Variants in CCSER1 observed in about 807,000 individuals in gnomAD.
The protein encoded by CCSER1 is coiled-coil serine rich protein 1.
Under a neutral mutation model 82.0 loss-of-function variants are expected in CCSER1, and 41 were observed. That is an observed-to-expected ratio of 0.50 (90% confidence interval 0.39 to 0.65). The LOEUF (loss-of-function observed/expected upper bound fraction) is 0.65, where lower values mean the gene tolerates loss of function less well. Ranked by LOEUF, CCSER1 falls within the 30% of genes least tolerant of loss-of-function variation. CCSER1 has a pLI of 0.00. For missense variants in CCSER1, 1,119 were observed against 1,064.2 expected, an observed-to-expected ratio of 1.05 and a Z score of -0.72; for synonymous variants, 414 against 383.9, an observed-to-expected ratio of 1.08 and a Z score of -0.92.
chr4:91,217,014 T>C (rs1019688455), intron 10 of CCSER1, among the ~76,000 whole-genome samples: 1 of 152,150 alleles, frequency 6.6e-6, no homozygotes, highest in Non-Finnish European at 1.5e-5. Context: ...CGGTGAGTGT[T>C]ACAGCTCTTA....
Position 91,239,118 on chromosome 4 carries a change from C to T in CCSER1, c.2217+153124C>T, listed in dbSNP as rs556878177. Among the ~76,000 whole-genome samples the T allele has an allele frequency of 2.3e-4, 34 of 150,444 alleles. No homozygotes were observed. The East Asian group carries it at 6.1e-3, about 27-fold the overall frequency. On this transcript the variant is annotated intron_variant, in intron 10 of 10. Transcript: ENST00000509176. ...GGTATTACAAGCGTGAGCCACTGCG[C>T]CCGGCCTATTTTAAGCATTTGTAAT...
At position 91,565,754 on chromosome 4, in the gene CCSER1, C is replaced by T. The variant is rs572706360; in HGVS notation, c.2218-32818C>T. Among the ~76,000 whole-genome samples the T allele has an allele frequency of 3.9e-5, 6 of 152,204 alleles. No individual in the cohort carries two copies. In the East Asian group the frequency reaches 1.2e-3, roughly 29 times the overall value. ...TGAGGCTGTACATTGATTTTGTATC[C>T]TGCAAATTTGCTGAAGTTGTTTATC... is the stretch of plus-strand genomic sequence containing the variant. On this transcript the variant is annotated intron_variant, in intron 10 of 10. Transcript: ENST00000509176.
At chr4:91,090,296 G>A (rs1190870384) in intron 10 of CCSER1, among the ~76,000 whole-genome samples, 1 of 152,160 alleles carries the variant, frequency 6.6e-6, no homozygotes, top group East Asian at 1.9e-4. Flanking sequence ...CTGATCAGGT[G>A]GCTTAGCATA....
chr4:90,163,838 AAAGTGGGAATG>A (rs1729938057), intron 1 of CCSER1, among the ~76,000 whole-genome samples: 1 of 152,164 alleles, frequency 6.6e-6, no homozygotes, highest in African/African-American at 2.4e-5. Flanking sequence ...TTGTAGTAAT[AAAGTGGGAATG>A]AAGTGGGGTT....
chr4:90,540,783 C>T (rs1397398231), intron 5 of CCSER1, among the ~76,000 whole-genome samples: 2 of 151,934 alleles, frequency 1.3e-5, no homozygotes, highest in African/African-American at 2.4e-5. Context: ...AGGCAAGTTG[C>T]ATAACTAATA....
chr4:91,393,004 T>G (rs1246736466), intron 10 of CCSER1, among the ~76,000 whole-genome samples: 1 of 152,098 alleles, frequency 6.6e-6, no homozygotes, highest in Non-Finnish European at 1.5e-5. Context: ...CAGATATAGC[T>G]GATGCTGGTA....
intron 7 of CCSER1, among the ~76,000 whole-genome samples, chr4:90,813,358 G>T (rs573221740): frequency 3.2e-4 from 49 of 152,356 alleles, no homozygotes; most frequent in Non-Finnish European, 4.0e-4. Context: ...GCAAGGGATG[G>T]ACTCCCATGG....
In CCSER1 at chr4:91,598,969, CTT is replaced by C; in HGVS notation, c.2617_2618del (p.Leu873ThrfsTer18). 5.2e-6 allele frequency: 8 copies of C among 1,551,566 alleles called. No individual in the cohort carries two copies. Among genetic ancestry groups the C allele is most frequent in the Non-Finnish European group, 7.0e-6 (8 of 1,146,914 alleles). On this transcript the variant is annotated frameshift_variant, in exon 11 of 11. Coordinates refer to ENST00000509176, the MANE Select transcript of CCSER1 (RefSeq NM_001145065.2). LOFTEE classifies it high-confidence loss of function. ...GGACAGCCACCCAGAGGGCCAATCTCTTTACACATGTACAGCAGGAAGAATGT... is the reference window on the plus strand; with the variant it reads ...GGACAGCCACCCAGAGGGCCAATCTCTACACATGTACAGCAGGAAGAATGT...
intron 10 of CCSER1, among the ~76,000 whole-genome samples, chr4:91,301,954 TCTTCTTTC>T (rs1409801892): frequency 6.7e-6 from 1 of 150,364 alleles, no homozygotes; most frequent in Non-Finnish European, 1.5e-5. Context: ...TTCCTTCCTT[TCTTCTTTC>T]CTTCTTTCCT....
chr4:90,701,880 C>T (rs1158414357), intron 6 of CCSER1, among the ~76,000 whole-genome samples: 6 of 152,110 alleles, frequency 3.9e-5, no homozygotes, highest in Non-Finnish European at 5.9e-5. Flanking sequence ...TGGGTTGAGA[C>T]GATGGGGTTT....
intron 10 of CCSER1, among the ~76,000 whole-genome samples, chr4:91,359,926 G>T (rs1404609045): frequency 6.6e-6 from 1 of 151,828 alleles, no homozygotes. Context: ...AGTGTGACTT[G>T]CATTATCTCT....
intron 10 of CCSER1, among the ~76,000 whole-genome samples, chr4:91,184,274 C>T (rs192175220): frequency 1.3e-3 from 196 of 152,328 alleles, no homozygotes; most frequent in African/African-American, 4.6e-3. Context: ...TGTGGCAACA[C>T]TTTCCAATGA....
chr4:91,364,208 A>G (rs1273047294), intron 10 of CCSER1, among the ~76,000 whole-genome samples: 1 of 152,214 alleles, frequency 6.6e-6, no homozygotes, highest in Non-Finnish European at 1.5e-5. Flanking sequence ...TTTAAATAGC[A>G]TAGTGCAGTA....
chr4:90,347,992 A>G (rs879449959), intron 3 of CCSER1, among the ~76,000 whole-genome samples: 2 of 152,180 alleles, frequency 1.3e-5, no homozygotes, highest in African/African-American at 4.8e-5. Flanking sequence ...GGAGGACATT[A>G]TCTTTAGCAA....
At chr4:90,201,601 C>T (rs767991036) in intron 1 of CCSER1, among the ~76,000 whole-genome samples, 3 of 151,030 alleles carry the variant, frequency 2.0e-5, no homozygotes, top group Non-Finnish European at 3.0e-5. Context: ...TATACTAAAT[C>T]TTTGAAATCC....
At chr4:91,098,782 C>A (rs1248751945) in intron 10 of CCSER1, among the ~76,000 whole-genome samples, 1 of 152,134 alleles carries the variant, frequency 6.6e-6, no homozygotes, top group Non-Finnish European at 1.5e-5. Context: ...ATGTCGTGAT[C>A]TGCCCGCCTC....
At chr4:90,751,860 T>C (rs997341510) in intron 7 of CCSER1, among the ~76,000 whole-genome samples, 9 of 152,190 alleles carry the variant, frequency 5.9e-5, no homozygotes, top group South Asian at 2.1e-4. Flanking sequence ...TTTTAAAAAT[T>C]AAAAAGTATA....
At chr4:91,548,104 G>A (rs1761978946) in intron 10 of CCSER1, among the ~76,000 whole-genome samples, 1 of 151,990 alleles carries the variant, frequency 6.6e-6, no homozygotes, top group South Asian at 2.1e-4. Context: ...ATGGTTTTGA[G>A]TGTTATATAT....
At chr4:91,211,574 T>C (rs1457874955) in intron 10 of CCSER1, among the ~76,000 whole-genome samples, 1 of 152,108 alleles carries the variant, frequency 6.6e-6, no homozygotes, top group Non-Finnish European at 1.5e-5. Context: ...ACAATTTTAT[T>C]ACAGTTTACA....
Sources: gnomAD v4.1 joint callset for allele counts (sites outside exome capture counted in the v4.1 genomes callset) on GRCh38, gnomAD v4.1.1 for gene constraint, MANE v1.5 for transcripts, NCBI Gene and HGNC (gene_info 2026-07-23, HGNC 2026-07-21) for gene names.